The following SLC38A11 variants were observed in gnomAD, a reference collection of about 807,000 sequenced individuals.
The protein encoded by SLC38A11 is putative sodium-coupled neutral amino acid transporter 11.
SLC38A11 carries 51 observed loss-of-function variants against 49.4 expected under a neutral mutation model. The observed-to-expected ratio is 1.03, with a 90% CI of 0.83 to 1.30. The LOEUF (loss-of-function observed/expected upper bound fraction) is 1.30, where lower values mean the gene tolerates loss of function less well. Among genes scored for constraint, SLC38A11 ranks in the 50% most tolerant of loss-of-function variants. SLC38A11 has a pLI of 0.00. For synonymous variants in SLC38A11, 203 were observed against 192.9 expected (o/e 1.05, Z -0.43); for missense variants, 574 against 556.2 (o/e 1.03, Z -0.32).
intron 11 of SLC38A11, among the ~76,000 whole-genome samples, chr2:164,905,034 T>C (rs1048617405): frequency 5.9e-5 from 9 of 152,132 alleles, no homozygotes; most frequent in Non-Finnish European, 1.2e-4. Context: ...CAATTTAATA[T>C]AGATAAAAGG....
At chr2:164,931,241 CAAA>C (rs71028455) in intron 7 of SLC38A11, among the ~76,000 whole-genome samples, 120 of 74,770 alleles carry the variant, frequency 1.6e-3, no homozygotes, top group African/African-American at 6.2e-3. Context: ...TGATCCCCCA[CAAA>C]AAAAAAAAAA....
intron 2 of SLC38A11, chr2:164,952,995 A>G: frequency 6.3e-6 from 3 of 477,220 alleles, no homozygotes; most frequent in Non-Finnish European, 1.1e-5. Flanking sequence ...ACAAGTTAAG[A>G]GAGCAAGTTT....
intron 7 of SLC38A11, among the ~76,000 whole-genome samples, chr2:164,918,582 A>G (rs1478855297): frequency 6.6e-6 from 1 of 152,190 alleles, no homozygotes; most frequent in Non-Finnish European, 1.5e-5. Flanking sequence ...ACCAGATAGG[A>G]TGTTCAATAT....
At chr2:164,944,047 G>A (rs1485672542) in intron 5 of SLC38A11, among the ~76,000 whole-genome samples, 1 of 152,048 alleles carries the variant, frequency 6.6e-6, no homozygotes, top group East Asian at 1.9e-4. Context: ...GTAGAGATGA[G>A]GTTTCACTAT....
chr2:164,941,742 G>A (rs745774643), intron 5 of SLC38A11, among the ~76,000 whole-genome samples: 6 of 151,746 alleles, frequency 4.0e-5, no homozygotes, highest in Non-Finnish European at 8.8e-5. Context: ...ATTAATTATG[G>A]TCACTCTAAC....
chr2:164,931,119 A>G (rs531228157), intron 7 of SLC38A11, among the ~76,000 whole-genome samples: 1 of 152,076 alleles, frequency 6.6e-6, no homozygotes, highest in South Asian at 2.1e-4. Context: ...ACAGTCAAGC[A>G]GAGTGCCAAA....
chr2:164,898,215 G>A lies in SLC38A11; in HGVS notation c.*222C>T, dbSNP rs977984029. On this transcript the variant is annotated 3_prime_UTR_variant, in exon 12 of 12. Transcript: ENST00000685975. ...TCTCCCTTCTTCAATTAGCATTAGTGTAGTGCAGTCATTAGAACAAAACCC... is the reference window on the plus strand; with the variant it reads ...TCTCCCTTCTTCAATTAGCATTAGTATAGTGCAGTCATTAGAACAAAACCC... 1 of 449,304 alleles carries A rather than the reference G, an allele frequency of 2.2e-6. No homozygotes were observed. Among genetic ancestry groups the A allele is most frequent in the Non-Finnish European group, 4.0e-6 (1 of 252,962 alleles). The allele number at this position is 449,304 out of a possible 1,614,324, so 27.8% of individuals were successfully genotyped here. A position where few individuals can be genotyped will look rare whatever the true frequency, so the allele number is the denominator to read the frequency against.
At chr2:164,914,544 A>G (rs747732688) in intron 9 of SLC38A11, among the ~76,000 whole-genome samples, 1 of 151,926 alleles carries the variant, frequency 6.6e-6, no homozygotes, top group Non-Finnish European at 1.5e-5. Context: ...TAAAACAATG[A>G]AAGTACCGGG....
chr2:164,950,304 G>C lies in SLC38A11; in HGVS notation c.229+2403C>G, dbSNP rs561361729. On this transcript the variant is annotated intron_variant, in intron 3 of 11. Coordinates refer to ENST00000685975, the MANE Select transcript of SLC38A11 (RefSeq NM_001351537.2). The stretch of plus-strand genomic sequence containing the variant: ...ACAATTTATATACTTATGTCACAGA[G>C]AGGAGGCAACCAATTTCAGAGATGG... 4.6e-5 allele frequency among the ~76,000 whole-genome samples: 7 copies of C among 152,260 alleles called. No individual in the cohort carries two copies. In the East Asian group the frequency reaches 1.3e-3, roughly 29 times the overall value.
In SLC38A11 at chr2:164,896,950, T is replaced by C. The variant is rs1368842425; in HGVS notation, c.*1487A>G. 6.6e-6 allele frequency: 1 copy of C among 152,114 alleles called. No homozygotes were observed. The highest frequency in any genetic ancestry group is 2.4e-5 in the African/African-American group (1 of 41,432). The allele number at this position is 152,114 out of a possible 1,614,324, so 9.4% of individuals were successfully genotyped here. A position where few individuals can be genotyped will look rare whatever the true frequency, so the allele number is the denominator to read the frequency against. ...AAACTCATCATATATGTATTAACTC[T>C]GCTTGTGATAGTTTCTCGTTATTTG... On this transcript the variant is annotated 3_prime_UTR_variant, in exon 12 of 12. Transcript: ENST00000685975.
intron 7 of SLC38A11, among the ~76,000 whole-genome samples, chr2:164,930,590 G>GT (rs1307549630): frequency 6.6e-6 from 1 of 152,142 alleles, no homozygotes; most frequent in Non-Finnish European, 1.5e-5. Context: ...GGGATGCAAG[G>GT]TTGGTTCAAT....
intron 3 of SLC38A11, among the ~76,000 whole-genome samples, chr2:164,950,935 A>C (rs1688480535): frequency 6.6e-6 from 1 of 152,166 alleles, no homozygotes; most frequent in South Asian, 2.1e-4. Context: ...AAAATGAATC[A>C]GCCTATATTT....
At chr2:164,918,604 G>A (rs1048489360) in intron 7 of SLC38A11, among the ~76,000 whole-genome samples, 1 of 152,150 alleles carries the variant, frequency 6.6e-6, no homozygotes, top group Non-Finnish European at 1.5e-5. Flanking sequence ...ACTGCATCCT[G>A]AATATATTAT....
Position 164,898,636 on chromosome 2 carries a change from A to G in SLC38A11, c.1190T>C (p.Met397Thr). ...ACCAATGGGAAGCATGACACAAGAC[A>G]TAATCTTATCGGAGTGTGTCCTTGG... Reference protein sequence around the residue: ...EEPRTHSDKIMSCVMLPIGAV... With the variant: ...EEPRTHSDKITSCVMLPIGAV... Residue 397 changes from methionine to threonine, a missense_variant, in exon 12 of 12, where the codon ATG becomes ACG. Physicochemically the swap from Met to Thr is moderately conservative, Grantham distance 81 (BLOSUM62 -1). Coordinates refer to ENST00000685975, the MANE Select transcript of SLC38A11 (RefSeq NM_001351537.2). The G allele has an allele frequency of 1.2e-6, 2 of 1,613,588 alleles. No homozygotes were observed. The highest frequency in any genetic ancestry group is 8.5e-7 in the Non-Finnish European group (1 of 1,179,696).
chr2:164,919,787 AT>A (rs1279939415), intron 7 of SLC38A11, among the ~76,000 whole-genome samples: 1 of 151,968 alleles, frequency 6.6e-6, no homozygotes, highest in East Asian at 1.9e-4. Flanking sequence ...GTTATTTTTA[AT>A]TTTTTTCCAA....
intron 1 of SLC38A11, 149 bp downstream of exon 1, chr2:164,955,060 A>G: frequency 1.6e-6 from 1 of 607,532 alleles, no homozygotes; most frequent in Non-Finnish European, 2.8e-6. Flanking sequence ...AAAAAAAAAA[A>G]GTCAGATTAA....
intron 11 of SLC38A11, among the ~76,000 whole-genome samples, chr2:164,899,849 A>C (rs1684544470): frequency 6.6e-6 from 1 of 152,086 alleles, no homozygotes; most frequent in Non-Finnish European, 1.5e-5. Flanking sequence ...AATACAATTT[A>C]TAAATTACAG....
In SLC38A11 at chr2:164,939,423, T is replaced by G. The variant is rs781493301; in HGVS notation, c.537+27A>C. ...TTATGCAGGCAACAAGGTACATTTC[T>G]ATGCCCATTTAAAATGTAAAAATTA... On this transcript the variant is annotated intron_variant, in intron 6 of 11. Transcript: ENST00000685975. 3 of 1,472,212 alleles carry G rather than the reference T, an allele frequency of 2.0e-6. No individual in the cohort carries two copies. In the African/African-American group the frequency reaches 4.2e-5, roughly 21 times the overall value. The allele number at this position is 1,472,212 out of a possible 1,614,324, so 91.2% of individuals were successfully genotyped here. A position where few individuals can be genotyped will look rare whatever the true frequency, so the allele number is the denominator to read the frequency against.
At chr2:164,919,939 G>A (rs536911682) in intron 7 of SLC38A11, among the ~76,000 whole-genome samples, 91 of 152,112 alleles carry the variant, frequency 6.0e-4, no homozygotes, top group Non-Finnish European at 1.2e-3. Flanking sequence ...AACCTTGCAA[G>A]GTATTCTATT....
Sources: gnomAD v4.1 joint callset for allele counts (sites outside exome capture counted in the v4.1 genomes callset) on GRCh38, gnomAD v4.1.1 for gene constraint, MANE v1.5 for transcripts, NCBI Gene and HGNC (gene_info 2026-07-23, HGNC 2026-07-21) for gene names.